TCF3: variants seen among roughly 807,000 people sequenced by gnomAD.
TCF3 encodes transcription factor 3, also known as transcription factor E2-alpha.
TCF3 carries 54 observed loss-of-function variants against 72.3 expected under a neutral mutation model. That is an observed-to-expected ratio of 0.75 (90% CI 0.60 to 0.94). The LOEUF is 0.94. Among genes scored for constraint, TCF3 ranks in the 40% least tolerant of loss-of-function variants. TCF3 has a pLI of 0.00. For missense variants in TCF3, 1,078 were observed against 934.4 expected, an observed-to-expected ratio of 1.15 and a Z score of -2.00; for synonymous variants, 525 against 412.6, an observed-to-expected ratio of 1.27 and a Z score of -3.30.
At position 1,611,277 on chromosome 19, in the gene TCF3, A is replaced by T; in HGVS notation, c.*430T>A. 3.0e-6 allele frequency: 1 copy of T among 335,118 alleles called. No individual in the cohort carries two copies. The highest frequency in any genetic ancestry group is 2.1e-5 in the African/African-American group (1 of 47,732). The allele number at this position is 335,118 out of a possible 1,614,324, so 20.8% of individuals were successfully genotyped here. On this transcript the variant is annotated 3_prime_UTR_variant, in exon 19 of 19. Coordinates refer to ENST00000262965, the MANE Select transcript of TCF3 (RefSeq NM_003200.5). ...GTTTCCACAGCATCCCCCTTGAGTG[A>T]TATGTTTCCATTTCTCCGCTTTTTA...
At chr19:1,613,868 T>C (rs1194244108) in intron 18 of TCF3, among the ~76,000 whole-genome samples, 5 of 152,180 alleles carry the variant, frequency 3.3e-5, no homozygotes, top group African/African-American at 1.2e-4. Flanking sequence ...CCACCGTGAA[T>C]GGTCGCAGTA....
In TCF3 at chr19:1,619,097, G is replaced by A. The variant is rs377639025; in HGVS notation, c.1450+14C>T. 1 of 1,599,164 alleles carries A rather than the reference G, an allele frequency of 6.3e-7. No homozygotes were observed. The highest frequency in any genetic ancestry group is 1.1e-5 in the South Asian group (1 of 91,064). ...GGAACCAGGAGTCGGACAGTCCCAA[G>A]CTCAAGGGCTTACCACTGTAGGAGT... On this transcript the variant is annotated intron_variant, in intron 16 of 18. Coordinates refer to ENST00000262965, the MANE Select transcript of TCF3 (RefSeq NM_003200.5).
intron 18 of TCF3, among the ~76,000 whole-genome samples, chr19:1,613,097 C>CAT (rs2061200292): frequency 6.6e-6 from 1 of 151,960 alleles, no homozygotes; most frequent in African/African-American, 2.4e-5. Flanking sequence ...TGGGTGTGGA[C>CAT]AGCAGTGGGG....
Position 1,615,753 on chromosome 19 carries a change from TCTC to T in TCF3, c.1516_1518del (p.Glu506del). Reference sequence around the variant, plus strand: ...TCCGAGTGGTCAGCCGCTGACGTGTTCTCCTCGTCCTCCTTCTCCTCCCGCTTG... The same window carrying T: ...TCCGAGTGGTCAGCCGCTGACGTGTTCTCGTCCTCCTTCTCCTCCCGCTTG... On this transcript the variant is annotated inframe_deletion, in exon 17 of 19. Transcript: ENST00000262965. The surrounding 1 kb of genome is among the most constrained non-coding windows in gnomAD (Gnocchi z 7.3). 6.2e-7 allele frequency: 1 copy of T among 1,608,004 alleles called. No homozygotes were observed. The highest frequency in any genetic ancestry group is 8.5e-7 in the Non-Finnish European group (1 of 1,176,250).
chr19:1,630,389 C>G (rs968174559), intron 5 of TCF3, among the ~76,000 whole-genome samples: 10 of 152,228 alleles, frequency 6.6e-5, no homozygotes, highest in Admixed American at 6.5e-4. Flanking sequence ...ACTGACTCTA[C>G]TGTACTCCAA....
intron 7 of TCF3, among the ~76,000 whole-genome samples, chr19:1,624,351 G>T (rs899351934): frequency 6.6e-6 from 1 of 152,118 alleles, no homozygotes; most frequent in South Asian, 2.1e-4. Context: ...AGCCGAGATC[G>T]TGTCACTGCA....
In TCF3 at chr19:1,611,562, G is replaced by C. The variant is rs1294116315; in HGVS notation, c.*145C>G. ...TCACCTTGGCCGCCCCCATCACTCC[G>C]AACCTTGTCAGGTTGGTGTTGGCTC... On this transcript the variant is annotated 3_prime_UTR_variant, in exon 19 of 19. Coordinates refer to ENST00000262965, the MANE Select transcript of TCF3 (RefSeq NM_003200.5). The C allele has an allele frequency of 4.9e-6, 6 of 1,221,444 alleles. No individual in the cohort carries two copies. Among genetic ancestry groups the C allele is most frequent in the African/African-American group, 1.5e-5 (1 of 65,250 alleles). 75.7% of individuals were successfully genotyped at this position (1,221,444 alleles called of 1,614,324 possible).
chr19:1,648,747 G>A (rs558244903), intron 2 of TCF3, among the ~76,000 whole-genome samples: 10 of 152,208 alleles, frequency 6.6e-5, no homozygotes, highest in Admixed American at 1.3e-4. Context: ...CCTCATAGGC[G>A]GGAGGGTTAA....
At position 1,627,437 on chromosome 19, in the gene TCF3, A is replaced by G. The variant is rs1204660537; in HGVS notation, c.299-11T>C. 1.9e-6 allele frequency: 3 copies of G among 1,611,476 alleles called. No individual in the cohort carries two copies. The African/African-American group carries it at 4.0e-5, about 22-fold the overall frequency. ...GCTCACCGCTCTTGCCTGCAAGGGGAGAAGGAAGGTTAGTGGGAGGCGACC... is the reference window on the plus strand; with the variant it reads ...GCTCACCGCTCTTGCCTGCAAGGGGGGAAGGAAGGTTAGTGGGAGGCGACC... On this transcript the variant is annotated splice_polypyrimidine_tract_variant and intron_variant, in intron 5 of 18. Transcript: ENST00000262965.
intron 5 of TCF3, among the ~76,000 whole-genome samples, chr19:1,631,110 T>C (rs1017706049): frequency 8.5e-5 from 13 of 152,118 alleles, no homozygotes; most frequent in Non-Finnish European, 1.5e-4. Context: ...CCACCTGGCA[T>C]TGGGCAGGGC....
In TCF3 at chr19:1,627,412, G is replaced by T. The variant is rs377688933; in HGVS notation, c.313C>A (p.Arg105=). Residue 105 remains arginine (R), a synonymous_variant, in exon 6 of 19, where the codon CGG becomes AGG. Coordinates refer to ENST00000262965, the MANE Select transcript of TCF3 (RefSeq NM_003200.5). ...CTCCCGAAGGAGGCATAGGCGCCCC[G>T]CTCACCGCTCTTGCCTGCAAGGGGA... The part of the protein sequence containing the change: ...GPGLGGKSGE[R]GAYASFGRDA... 2 of 1,611,952 alleles carry T rather than the reference G, an allele frequency of 1.2e-6. No homozygotes were observed. The highest frequency in any genetic ancestry group is 4.5e-5 in the East Asian group (2 of 44,886).
rs150879138 is a variant in TCF3 at position 1,640,553 on chromosome 19, T to A, written c.145+5802A>T. On this transcript the variant is annotated intron_variant, in intron 3 of 18. Transcript: ENST00000262965. ...AAGAAACACTGATGTAAGCAGTGGC[T>A]CACACCTGTAATCCCAGCACTTCGG... Among the ~76,000 whole-genome samples the A allele has an allele frequency of 4.7e-3, 714 of 152,110 alleles. 10 individuals are homozygous for A. Among genetic ancestry groups the A allele is most frequent in the African/African-American group, 0.016 (663 of 41,456 alleles).
intron 2 of TCF3, among the ~76,000 whole-genome samples, chr19:1,649,311 C>A (rs2066629429): frequency 6.6e-6 from 1 of 152,238 alleles, no homozygotes; most frequent in Non-Finnish European, 1.5e-5. Flanking sequence ...ACCACACAGT[C>A]AGTTTCATGC....
At chr19:1,639,993 G>C (rs990430161) in intron 3 of TCF3, among the ~76,000 whole-genome samples, 13 of 152,164 alleles carry the variant, frequency 8.5e-5, no homozygotes, top group African/African-American at 2.4e-4. Flanking sequence ...TGCCAATGAA[G>C]CAGATTCTCC....
intron 6 of TCF3, among the ~76,000 whole-genome samples, chr19:1,626,696 G>GC (rs1194642620): frequency 6.6e-6 from 1 of 152,230 alleles, no homozygotes; most frequent in Non-Finnish European, 1.5e-5. Flanking sequence ...GTAGGCCGCG[G>GC]CCCCTCGTTG....
At chr19:1,632,919 C>T (rs1301600489) in intron 3 of TCF3, among the ~76,000 whole-genome samples, 2 of 152,200 alleles carry the variant, frequency 1.3e-5, no homozygotes, top group Non-Finnish European at 2.9e-5. Flanking sequence ...GAAGTGGGGC[C>T]GCCCTTTGCT....
At chr19:1,619,050 G>C in intron 16 of TCF3, 61 bp downstream of exon 16, 1 of 1,596,934 alleles carries the variant, frequency 6.3e-7, no homozygotes, top group Non-Finnish European at 8.5e-7. Context: ...CCCACCACTA[G>C]AGTGCCTCAG....
chr19:1,611,766 C>T lies in TCF3; in HGVS notation c.1906G>A (p.Val636Met). Residue 636 changes from valine (V) to methionine (M), a missense_variant, in exon 19 of 19, where the codon GTG becomes ATG. Transcript: ENST00000262965. ...VSGVVGDPQM[V>M]LSAPHPGLSE... ...AGGCCTGGGTGGGGAGCTGAAAGCA[C>T]CATCTGGGGGTCTCCAACCACACCT... 1.9e-6 allele frequency: 3 copies of T among 1,613,714 alleles called. No individual in the cohort carries two copies. Among genetic ancestry groups the T allele is most frequent in the Non-Finnish European group, 2.5e-6 (3 of 1,179,966 alleles).
intron 8 of TCF3, among the ~76,000 whole-genome samples, chr19:1,622,639 C>T (rs1006184880): frequency 3.9e-5 from 6 of 152,132 alleles, no homozygotes; most frequent in Admixed American, 1.3e-4. Flanking sequence ...CCCCACCTCC[C>T]GCCTCCCTGA....
Sources: allele counts gnomAD v4.1 joint callset (sites outside exome capture counted in the v4.1 genomes callset), GRCh38; gene constraint gnomAD v4.1.1; non-coding constraint Gnocchi (gnomAD v3.1); transcripts MANE v1.5; gene names NCBI Gene and HGNC (gene_info 2026-07-23, HGNC 2026-07-21).